Variants in GSAP observed in about 807,000 individuals in gnomAD.
GSAP encodes the protein gamma-secretase-activating protein.
A neutral mutation model predicts 131.7 loss-of-function variants in GSAP; 118 were observed. The ratio of observed to expected loss-of-function variants is 0.90; its 90% CI spans 0.77 to 1.04. The LOEUF is 1.04. GSAP is among the 50% of genes least tolerant of loss of function. The pLI, the probability that GSAP is intolerant of heterozygous loss-of-function variation, is 0.00. For missense variants in GSAP, 1,019 were observed against 1,013.2 expected (o/e 1.01, Z -0.08); for synonymous variants, 381 against 363.4 (o/e 1.05, Z -0.55).
chr7:77,351,803 C>CT, intron 18 of GSAP: 1 of 765,908 alleles, frequency 1.3e-6, no homozygotes, highest in Non-Finnish European at 1.6e-6. Flanking sequence ...GTCCCAGCTG[C>CT]CTCCTGGACA....
intron 19 of GSAP, among the ~76,000 whole-genome samples, chr7:77,337,913 G>A (rs982965456): frequency 2.6e-5 from 4 of 152,152 alleles, no homozygotes; most frequent in Non-Finnish European, 5.9e-5. Flanking sequence ...CACTTTGGGA[G>A]GCTGAGGTGG....
At chr7:77,408,956 G>A (rs925936032) in intron 1 of GSAP, among the ~76,000 whole-genome samples, 1 of 152,088 alleles carries the variant, frequency 6.6e-6, no homozygotes, top group African/African-American at 2.4e-5. Flanking sequence ...AGGAAGACCA[G>A]GTTTCACTGA....
At chr7:77,379,255 A>G (rs1797438081) in intron 8 of GSAP, among the ~76,000 whole-genome samples, 1 of 151,908 alleles carries the variant, frequency 6.6e-6, no homozygotes, top group African/African-American at 2.4e-5. Context: ...AGATCGAGTC[A>G]CCTCACCTCT....
chr7:77,400,619 C>A (rs1227737189), intron 3 of GSAP, among the ~76,000 whole-genome samples: 1 of 152,148 alleles, frequency 6.6e-6, no homozygotes, highest in African/African-American at 2.4e-5. Context: ...TAAATTATCA[C>A]AGGAGGTATG....
chr7:77,361,527 CCA>C (rs1165261912), intron 13 of GSAP, among the ~76,000 whole-genome samples: 3 of 152,134 alleles, frequency 2.0e-5, no homozygotes, highest in African/African-American at 7.2e-5. Context: ...TTTAGCTTCT[CCA>C]TTAAGTTCTT....
intron 12 of GSAP, among the ~76,000 whole-genome samples, chr7:77,367,244 A>G (rs1795457343): frequency 6.6e-6 from 1 of 152,142 alleles, no homozygotes; most frequent in Admixed American, 6.5e-5. Context: ...TTCCAATACC[A>G]TGTTGGATAG....
At chr7:77,331,010 A>G (rs546378329) in intron 19 of GSAP, among the ~76,000 whole-genome samples, 33 of 152,364 alleles carry the variant, frequency 2.2e-4, no homozygotes, top group African/African-American at 7.9e-4. Context: ...ATAAAATGCA[A>G]TGTTAATACG....
intron 1 of GSAP, among the ~76,000 whole-genome samples, chr7:77,406,331 C>A (rs77680738): frequency 0.034 from 5,116 of 152,202 alleles, 293 homozygotes; most frequent in African/African-American, 0.12. Context: ...AGCCTTGTTA[C>A]GTGTTGGTAA....
intron 12 of GSAP, among the ~76,000 whole-genome samples, chr7:77,363,893 A>G (rs961459384): frequency 6.6e-6 from 1 of 152,224 alleles, no homozygotes; most frequent in South Asian, 2.1e-4. Flanking sequence ...AAAGTAATCT[A>G]TCACTAAAGT....
chr7:77,314,620 A>G (rs1422659969), intron 26 of GSAP, 131 bp from the exon 27 acceptor site: 54 of 936,824 alleles, frequency 5.8e-5, no homozygotes, highest in Non-Finnish European at 7.0e-5. Flanking sequence ...AATTTCTTGA[A>G]AACAAGGTCC....
chr7:77,356,399 A>G (rs1793732871), intron 14 of GSAP, among the ~76,000 whole-genome samples: 1 of 152,318 alleles, frequency 6.6e-6, no homozygotes, highest in African/African-American at 2.4e-5. Context: ...AATTTTCTTC[A>G]TAATTTCTGC....
At chr7:77,376,730 T>C in intron 10 of GSAP, 118 bp downstream of exon 10, 2 of 573,382 alleles carry the variant, frequency 3.5e-6, no homozygotes, top group Admixed American at 3.6e-5. Context: ...TGAGCCGAGA[T>C]CGCGCCACTG....
intron 19 of GSAP, among the ~76,000 whole-genome samples, chr7:77,345,710 C>T (rs1338109905): frequency 6.6e-6 from 1 of 152,070 alleles, no homozygotes; most frequent in Non-Finnish European, 1.5e-5. Flanking sequence ...AAGAGAAAAC[C>T]CCCTTTAACT....
At chr7:77,350,615 C>A (rs1584423069) in intron 18 of GSAP, among the ~76,000 whole-genome samples, 1 of 150,670 alleles carries the variant, frequency 6.6e-6, no homozygotes, top group South Asian at 2.1e-4. Context: ...TGGTGGCAGG[C>A]GCCTGTATTT....
At chr7:77,329,425 TA>T in intron 20 of GSAP, 34 bp from the exon 21 acceptor site, 1 of 1,291,854 alleles carries the variant, frequency 7.7e-7, no homozygotes, top group Non-Finnish European at 1.1e-6. Context: ...ATGTGGAAGG[TA>T]AAGGTTTTAT....
At chr7:77,374,601 T>TG (rs1249167693) in intron 11 of GSAP, among the ~76,000 whole-genome samples, 6 of 147,228 alleles carry the variant, frequency 4.1e-5, no homozygotes, top group Non-Finnish European at 4.5e-5. Flanking sequence ...TAAAATAGAG[T>TG]GGGAAAAGGA....
At chr7:77,311,744 T>G in intron 30 of GSAP, 97 bp downstream of exon 30, 1 of 690,776 alleles carries the variant, frequency 1.4e-6, no homozygotes, top group Non-Finnish European at 2.6e-6. Context: ...ACTTGTATGT[T>G]AAAAGGATTT....
chr7:77,314,655 T>A, intron 26 of GSAP, 166 bp from the exon 27 acceptor site: 1 of 637,704 alleles, frequency 1.6e-6, no homozygotes, highest in Non-Finnish European at 2.7e-6. Flanking sequence ...GTATTATTCG[T>A]AACTAAATAT....
intron 28 of GSAP, among the ~76,000 whole-genome samples, 172 bp downstream of exon 28, chr7:77,313,316 G>A (rs1263722254): frequency 6.6e-6 from 1 of 152,226 alleles, no homozygotes; most frequent in Non-Finnish European, 1.5e-5. Flanking sequence ...TAGGCCAAGT[G>A]GGAAACAGCT....
Sources: gnomAD v4.1 joint callset for allele counts (sites outside exome capture counted in the v4.1 genomes callset) on GRCh38, gnomAD v4.1.1 for gene constraint, MANE v1.5 for transcripts, NCBI Gene and HGNC (gene_info 2026-07-23, HGNC 2026-07-21) for gene names.